EBF1: variants seen among roughly 807,000 people sequenced by gnomAD.
EBF1 encodes transcription factor COE1.
In EBF1, 10 loss-of-function variants were observed where a neutral mutation model predicts 68.4. The observed-to-expected ratio is 0.15, with a 90% CI of 0.09 to 0.25. The LOEUF is 0.25. EBF1 is among the 10% of genes least tolerant of loss of function. EBF1 has a pLI of 1.00. For synonymous variants in EBF1, 298 were observed against 299.8 expected, an observed-to-expected ratio of 0.99 and a Z score of 0.06; for missense variants, 509 against 794.4, an observed-to-expected ratio of 0.64 and a Z score of 4.32.
intron 7 of EBF1, among the ~76,000 whole-genome samples, chr5:158,832,998 T>G (rs1169697097): frequency 6.6e-6 from 1 of 152,186 alleles, no homozygotes; most frequent in Non-Finnish European, 1.5e-5. Context: ...GTTTTGTGTT[T>G]GCTATTCCCT....
intron 6 of EBF1, among the ~76,000 whole-genome samples, chr5:159,057,105 T>TTTTC (rs1491195325): frequency 1.8e-5 from 1 of 56,456 alleles, no homozygotes; most frequent in African/African-American, 5.3e-5. Flanking sequence ...TTTTCTTTTC[T>TTTTC]TTTTTTTTTT....
chr5:158,709,730 T>G (rs1758741426), intron 14 of EBF1, among the ~76,000 whole-genome samples: 1 of 152,254 alleles, frequency 6.6e-6, no homozygotes. Context: ...ACTTTTTCTT[T>G]TAATGAGGCC....
At chr5:158,874,408 C>T (rs1173688159) in intron 6 of EBF1, among the ~76,000 whole-genome samples, 1 of 152,012 alleles carries the variant, frequency 6.6e-6, no homozygotes, top group Non-Finnish European at 1.5e-5. Context: ...ATTAGGAAAG[C>T]AAAATAAATA....
At chr5:158,767,232 G>A (rs1006043724) in intron 10 of EBF1, among the ~76,000 whole-genome samples, 1 of 151,946 alleles carries the variant, frequency 6.6e-6, no homozygotes, top group Non-Finnish European at 1.5e-5. Flanking sequence ...TATCCCTGAG[G>A]GATGAAATAA....
At chr5:158,820,700 A>G (rs181290997) in intron 8 of EBF1, among the ~76,000 whole-genome samples, 2 of 152,328 alleles carry the variant, frequency 1.3e-5, no homozygotes, top group Non-Finnish European at 2.9e-5. Context: ...GTGAAATGTC[A>G]CCATTTTTTG....
intron 7 of EBF1, among the ~76,000 whole-genome samples, chr5:158,833,313 GA>G (rs1286282610): frequency 7.1e-6 from 1 of 140,224 alleles, no homozygotes; most frequent in Non-Finnish European, 1.6e-5. Flanking sequence ...AAAAAAAAAA[GA>G]AAAAAAGAGA....
intron 10 of EBF1, among the ~76,000 whole-genome samples, chr5:158,766,555 T>C (rs1772698568): frequency 6.6e-6 from 1 of 152,224 alleles, no homozygotes; most frequent in African/African-American, 2.4e-5. Context: ...TATGGTTTAC[T>C]TGCTCTGGAA....
intron 6 of EBF1, among the ~76,000 whole-genome samples, chr5:158,924,746 C>CGGA (rs1247230335): frequency 2.0e-5 from 3 of 146,610 alleles, no homozygotes; most frequent in Non-Finnish European, 4.5e-5. Flanking sequence ...CCAGCTACTC[C>CGGA]GGAGGCTGAG....
At chr5:158,723,667 A>G (rs1317747775) in intron 11 of EBF1, among the ~76,000 whole-genome samples, 7 of 152,134 alleles carry the variant, frequency 4.6e-5, no homozygotes, top group Admixed American at 4.6e-4. Flanking sequence ...GGAAGTTAGG[A>G]AACCTCCACT....
chr5:159,034,954 G>A (rs1219228056), intron 6 of EBF1, among the ~76,000 whole-genome samples: 3 of 152,068 alleles, frequency 2.0e-5, no homozygotes, highest in Non-Finnish European at 4.4e-5. Context: ...TAAAAATCTG[G>A]CTTCACATGG....
intron 10 of EBF1, among the ~76,000 whole-genome samples, chr5:158,774,588 T>C (rs1460768252): frequency 6.6e-6 from 1 of 152,028 alleles, no homozygotes; most frequent in Non-Finnish European, 1.5e-5. Context: ...TTAAAGAAAA[T>C]GAAGTGTGAA....
intron 6 of EBF1, among the ~76,000 whole-genome samples, chr5:158,925,582 G>C (rs1055255126): frequency 6.6e-6 from 1 of 152,152 alleles, no homozygotes; most frequent in South Asian, 2.1e-4. Context: ...GCAGGTAAAG[G>C]CTGAAGCTCC....
At chr5:159,051,305 T>C (rs922159959) in intron 6 of EBF1, among the ~76,000 whole-genome samples, 35 of 151,898 alleles carry the variant, frequency 2.3e-4, no homozygotes, top group African/African-American at 8.5e-4. Context: ...TGGTTCCCCT[T>C]GGGCTACTTT....
intron 9 of EBF1, among the ~76,000 whole-genome samples, chr5:158,779,539 ATGT>A (rs1296879280): frequency 1.3e-5 from 2 of 152,114 alleles, no homozygotes; most frequent in Admixed American, 1.3e-4. Context: ...AGGATGTTCC[ATGT>A]TGTTATATTT....
intron 6 of EBF1, among the ~76,000 whole-genome samples, chr5:158,903,682 C>T (rs1803940722): frequency 6.6e-6 from 1 of 152,040 alleles, no homozygotes; most frequent in African/African-American, 2.4e-5. Context: ...TTAGCCACTT[C>T]TACAAATAGA....
chr5:158,736,501 G>T (rs1328248563), intron 10 of EBF1, among the ~76,000 whole-genome samples: 1 of 152,178 alleles, frequency 6.6e-6, no homozygotes, highest in Non-Finnish European at 1.5e-5. Context: ...AAAAAGAAAT[G>T]CAGATATTAG....
rs1799805183 is a variant in EBF1, at chr5:158,885,244, G to C, written c.555-45134C>G. On this transcript the variant is annotated intron_variant, in intron 6 of 15. Coordinates refer to ENST00000313708, the MANE Select transcript of EBF1 (RefSeq NM_024007.5). ...GGAAAAGTTTCAGCCAGAAGATGAT[G>C]TTTTAGAAGCAGCCCTCTGGCTGTC... 1.3e-5 allele frequency among the ~76,000 whole-genome samples: 2 copies of C among 152,194 alleles called. 1 individual carries two copies. The highest frequency in any genetic ancestry group is 4.1e-4 in the South Asian group (2 of 4,830).
chr5:158,983,809 G>T (rs938089232), intron 6 of EBF1: 17 of 151,936 alleles, frequency 1.1e-4, no homozygotes, highest in African/African-American at 4.1e-4. Context: ...ATCTAGAATA[G>T]ATTCCAGGCC....
At chr5:158,852,041 A>G (rs1582568246) in intron 6 of EBF1, among the ~76,000 whole-genome samples, 1 of 19,444 alleles carries the variant, frequency 5.1e-5, no homozygotes. Flanking sequence ...AAGGGTGGGG[A>G]GGGGAGGAGA....
Sources: allele counts gnomAD v4.1 joint callset (sites outside exome capture counted in the v4.1 genomes callset), GRCh38; gene constraint gnomAD v4.1.1; transcripts MANE v1.5; gene names NCBI Gene and HGNC (gene_info 2026-07-23, HGNC 2026-07-21).